Variants in DCN observed in about 807,000 individuals in gnomAD.
The protein encoded by DCN is decorin.
A neutral mutation model predicts 36.5 loss-of-function variants in DCN; 17 were observed. That is an observed-to-expected ratio of 0.47 (90% CI 0.32 to 0.70). DCN has a LOEUF of 0.70. Ranked by LOEUF, DCN falls within the 30% of genes least tolerant of loss-of-function variation. DCN has a pLI of 0.04. For missense variants in DCN, 389 were observed against 430.1 expected, an observed-to-expected ratio of 0.90 and a Z score of 0.84; for synonymous variants, 163 against 161.4, an observed-to-expected ratio of 1.01 and a Z score of -0.07.
chr12:91,182,092 T>A (rs1370415639), intron 1 of DCN, among the ~76,000 whole-genome samples: 1 of 152,118 alleles, frequency 6.6e-6, no homozygotes, highest in Non-Finnish European at 1.5e-5. Flanking sequence ...GCGTTTTTAG[T>A]ATCTTAGGCA....
chr12:91,168,767 A>C (rs1168706655), intron 2 of DCN, among the ~76,000 whole-genome samples: 1 of 152,214 alleles, frequency 6.6e-6, no homozygotes, highest in Non-Finnish European at 1.5e-5. Context: ...AATGCTACTT[A>C]CTATCAAATA....
At chr12:91,168,575 C>T (rs1882733333) in intron 2 of DCN, among the ~76,000 whole-genome samples, 2 of 152,142 alleles carry the variant, frequency 1.3e-5, no homozygotes, top group African/African-American at 4.8e-5. Context: ...AGTCTATCTG[C>T]CTTGCTGTCC....
chr12:91,155,350 A>G (rs990081926), intron 5 of DCN, among the ~76,000 whole-genome samples: 1 of 152,172 alleles, frequency 6.6e-6, no homozygotes, highest in African/African-American at 2.4e-5. Context: ...TGATACCCGG[A>G]ACTAAATACA....
chr12:91,164,376 AT>A (rs1882367105), intron 3 of DCN, among the ~76,000 whole-genome samples: 1 of 144,004 alleles, frequency 6.9e-6, no homozygotes, highest in East Asian at 2.0e-4. Flanking sequence ...TAAAAAAAAA[AT>A]TAAAAAAAAA....
At chr12:91,148,882 G>A (rs928564997) in intron 7 of DCN, among the ~76,000 whole-genome samples, 1 of 152,064 alleles carries the variant, frequency 6.6e-6, no homozygotes, top group African/African-American at 2.4e-5. Context: ...TAAAGTGAAA[G>A]CAACACTTAT....
At chr12:91,151,864 TC>T in intron 6 of DCN, 72 bp from the exon 7 acceptor site, 1 of 1,579,528 alleles carries the variant, frequency 6.3e-7, no homozygotes, top group Admixed American at 1.7e-5. Flanking sequence ...GTGTAGTTAA[TC>T]AAGTCTATAG....
chr12:91,151,059 C>G (rs1881377466), intron 7 of DCN: 1 of 154,556 alleles, frequency 6.5e-6, no homozygotes, highest in South Asian at 2.0e-4. Flanking sequence ...CACACGGACA[C>G]AGAGAGGGTA....
intron 4 of DCN, 111 bp downstream of exon 4, chr12:91,158,185 C>T (rs1005747170): frequency 4.0e-6 from 3 of 742,432 alleles, no homozygotes; most frequent in Non-Finnish European, 4.8e-6. Context: ...ATCACATAGG[C>T]TCCAGGCATG....
chr12:91,162,518 C>T (rs1233241807), intron 3 of DCN, among the ~76,000 whole-genome samples: 1 of 151,880 alleles, frequency 6.6e-6, no homozygotes, highest in Non-Finnish European at 1.5e-5. Context: ...GTAAGTAGTG[C>T]CTATTCTCAT....
At chr12:91,151,900 C>G (rs1881456448) in intron 6 of DCN, 108 bp from the exon 7 acceptor site, 1 of 1,264,692 alleles carries the variant, frequency 7.9e-7, no homozygotes, top group Admixed American at 1.9e-5. Flanking sequence ...TGTTTTTGCA[C>G]TTACTCTTCC....
chr12:91,148,025 C>G (rs143915956), intron 7 of DCN, among the ~76,000 whole-genome samples: 1,615 of 151,404 alleles, frequency 0.011, 15 homozygotes, highest in Middle Eastern at 0.039. Context: ...AGCAACTTCT[C>G]TGAAATCATA....
At chr12:91,154,194 G>A (rs916088879) in intron 5 of DCN, among the ~76,000 whole-genome samples, 2 of 152,078 alleles carry the variant, frequency 1.3e-5, no homozygotes. Flanking sequence ...TAATAAAATA[G>A]TTTAGTCCAT....
At chr12:91,155,235 C>T (rs1027945955) in intron 5 of DCN, among the ~76,000 whole-genome samples, 4 of 152,132 alleles carry the variant, frequency 2.6e-5, no homozygotes, top group African/African-American at 9.7e-5. Context: ...ATTTTCTTTA[C>T]CTGTTTAAGC....
chr12:91,158,760 G>A (rs1017915738), intron 3 of DCN, among the ~76,000 whole-genome samples: 4 of 152,146 alleles, frequency 2.6e-5, no homozygotes, highest in South Asian at 2.1e-4. Context: ...CCAGGAGTTC[G>A]AGACAAGCCT....
chr12:91,158,542 T>A, intron 3 of DCN, 33 bp from the exon 4 acceptor site: 1 of 1,061,438 alleles, frequency 9.4e-7, no homozygotes, highest in South Asian at 1.3e-5. Flanking sequence ...TCTCTTTAAA[T>A]CCAAAACCTT....
At chr12:91,159,058 T>C (rs1881988981) in intron 3 of DCN, among the ~76,000 whole-genome samples, 1 of 152,128 alleles carries the variant, frequency 6.6e-6, no homozygotes, top group Admixed American at 6.5e-5. Context: ...ATACATGCAC[T>C]CTACACACAC....
intron 7 of DCN, 115 bp downstream of exon 7, chr12:91,151,539 A>T: frequency 8.8e-7 from 1 of 1,131,284 alleles, no homozygotes; most frequent in Non-Finnish European, 1.3e-6. Flanking sequence ...ATTCTAACTA[A>T]GACACTCTGG....
chr12:91,159,070 G>C (rs145187062), intron 3 of DCN, among the ~76,000 whole-genome samples: 1 of 151,968 alleles, frequency 6.6e-6, no homozygotes, highest in South Asian at 2.1e-4. Flanking sequence ...TACACACACA[G>C]ACATGTATGT....
intron 4 of DCN, among the ~76,000 whole-genome samples, chr12:91,157,951 ATTTATGAGTG>A (rs1400775324): frequency 6.6e-6 from 1 of 152,174 alleles, no homozygotes; most frequent in Non-Finnish European, 1.5e-5. Flanking sequence ...AAAGCAAATG[ATTTATGAGTG>A]TTTAGAATAC....
Sources: allele counts gnomAD v4.1 joint callset (sites outside exome capture counted in the v4.1 genomes callset), GRCh38; gene constraint gnomAD v4.1.1; transcripts MANE v1.5; gene names NCBI Gene and HGNC (gene_info 2026-07-23, HGNC 2026-07-21).